CD6: variants seen among roughly 807,000 people sequenced by gnomAD.
CD6 encodes T-cell differentiation antigen CD6.
In CD6, 53 loss-of-function variants were observed where a neutral mutation model predicts 75.3. The observed-to-expected ratio is 0.70, with a 90% CI of 0.56 to 0.88. CD6 has a LOEUF of 0.88. Among genes scored for constraint, CD6 ranks in the 40% least tolerant of loss-of-function variants. The pLI is 0.00. For missense variants in CD6, 770 were observed against 897.1 expected, an observed-to-expected ratio of 0.86 and a Z score of 1.81; for synonymous variants, 359 against 381.5, an observed-to-expected ratio of 0.94 and a Z score of 0.69.
At chr11:60,976,159 C>T (rs891677312) in intron 1 of CD6, among the ~76,000 whole-genome samples, 1 of 152,152 alleles carries the variant, frequency 6.6e-6, no homozygotes, top group Non-Finnish European at 1.5e-5. Flanking sequence ...ATTTTCATTC[C>T]TCACTCCCCT....
chr11:61,017,669 C>A, intron 10 of CD6, 90 bp from the exon 11 acceptor site: 1 of 1,588,330 alleles, frequency 6.3e-7, no homozygotes, highest in Non-Finnish European at 8.6e-7. Context: ...TTTCACAAAT[C>A]CTATAGGCAG....
At chr11:61,005,871 C>T (rs1317349357) in intron 1 of CD6, among the ~76,000 whole-genome samples, 5 of 150,484 alleles carry the variant, frequency 3.3e-5, no homozygotes, top group Non-Finnish European at 7.4e-5. Flanking sequence ...GTGGAGGTTG[C>T]GGTGAGCCGA....
At chr11:60,977,357 G>T in intron 1 of CD6, among the ~76,000 whole-genome samples, 1 of 152,060 alleles carries the variant, frequency 6.6e-6, no homozygotes, top group East Asian at 1.9e-4. Context: ...CCACAGATGG[G>T]ACACCATGAG....
chr11:61,013,933 G>A lies in CD6; in HGVS notation c.1306G>A (p.Val436Met). The A allele has an allele frequency of 6.2e-7, 1 of 1,612,286 alleles. No individual in the cohort carries two copies. Among genetic ancestry groups the A allele is most frequent in the Non-Finnish European group, 8.5e-7 (1 of 1,179,320 alleles). ...IKGKYALPVM[V>M]NHQHLPTTIP... ...CCCTCCCTCAGCCCTCCCCGTAATG[G>A]TGAACCACCAGCACCTACCCACCAC... The change falls in exon 8 of 13, where the codon GTG becomes ATG. Residue 436 changes from valine (V) to methionine (M), a missense_variant. Physicochemically the swap from Val to Met is conservative, Grantham distance 21. Coordinates refer to ENST00000313421, the MANE Select transcript of CD6 (RefSeq NM_006725.5).
intron 4 of CD6, 25 bp downstream of exon 4, chr11:61,008,870 C>CCGGTCA (rs749684552): frequency 1.9e-5 from 28 of 1,500,406 alleles, no homozygotes; most frequent in Non-Finnish European, 2.5e-5. Flanking sequence ...TCACTGAAGC[C>CCGGTCA]CGGTCACTAC....
intron 1 of CD6, among the ~76,000 whole-genome samples, chr11:60,985,479 C>A (rs1857772729): frequency 6.6e-6 from 1 of 152,016 alleles, no homozygotes; most frequent in Non-Finnish European, 1.5e-5. Context: ...GCCACCGCAC[C>A]CGGCCACCCT....
Position 61,009,581 on chromosome 11 carries a change from C to T in CD6, c.791C>T (p.Ser264Phe), listed in dbSNP as rs1287604780. The change falls in exon 5 of 13, where the codon TCC (serine) becomes TTC (phenylalanine). Residue 264 changes from serine to phenylalanine, a missense_variant. By Grantham distance (155) the Ser-to-Phe change is radical (BLOSUM62 -2). Coordinates refer to ENST00000313421, the MANE Select transcript of CD6 (RefSeq NM_006725.5). ...DAGAVCSEHQ[S>F]WRLTGGADRC... ...TGCCCCTTCCCTGCAGAGCACCAGT[C>T]CTGGCGCCTGACAGGGGGCGCTGAC... 1 of 1,604,590 alleles carries T rather than the reference C, an allele frequency of 6.2e-7. No individual in the cohort carries two copies. The highest frequency in any genetic ancestry group is 8.5e-7 in the Non-Finnish European group (1 of 1,175,728).
chr11:60,989,311 G>A (rs909946065), intron 1 of CD6: 1 of 152,228 alleles, frequency 6.6e-6, no homozygotes, highest in Non-Finnish European at 1.5e-5. Flanking sequence ...TCAGCACAGA[G>A]GAAGCACTCG....
chr11:61,003,131 A>G (rs1019437562), intron 1 of CD6, among the ~76,000 whole-genome samples: 3 of 151,822 alleles, frequency 2.0e-5, no homozygotes, highest in Non-Finnish European at 4.4e-5. Context: ...CACCCGACTA[A>G]TTTTTGTATT....
chr11:61,006,434 A>G, intron 1 of CD6, 140 bp from the exon 2 acceptor site: 1 of 649,198 alleles, frequency 1.5e-6, no homozygotes. Flanking sequence ...CAATGCACCC[A>G]AAGTTGAGGA....
chr11:61,017,765 A>C lies in CD6; in HGVS notation c.1589A>C (p.Glu530Ala). The C allele has an allele frequency of 1.2e-6, 2 of 1,613,958 alleles. No homozygotes were observed. The highest frequency in any genetic ancestry group is 1.7e-6 in the Non-Finnish European group (2 of 1,180,000). Residue 530 changes from glutamate (E) to alanine (A), a missense_variant, in exon 11 of 13, where the codon GAA (glutamate) becomes GCA (alanine). By Grantham distance (107) the Glu-to-Ala change is moderately radical (BLOSUM62 -1). Transcript: ENST00000313421. ...TCTCCCTTTCCTGCCTTAGGACTTGAAGAGTTGCATGCCTCCCACATCCCA... is the reference window on the plus strand; with the variant it reads ...TCTCCCTTTCCTGCCTTAGGACTTGCAGAGTTGCATGCCTCCCACATCCCA... ...FQMPPLEEGL[E>A]ELHASHIPTA...
At position 60,987,975 on chromosome 11, in the gene CD6, G is replaced by A. The variant is rs985394675; in HGVS notation, c.49+16061G>A. ...AATGAGTGGCATCTCCCTGACCAAG[G>A]GTTAAGATAGATGGGAACTCAGAAG... On this transcript the variant is annotated intron_variant, in intron 1 of 12. Transcript: ENST00000313421. The A allele has an allele frequency of 6.6e-5, 10 of 152,382 alleles. No homozygotes were observed. The East Asian group carries it at 1.4e-3, about 21-fold the overall frequency. 9.4% of individuals were successfully genotyped at this position (152,382 alleles called of 1,614,324 possible). A position where few individuals can be genotyped will look rare whatever the true frequency, so the allele number is the denominator to read the frequency against.
intron 6 of CD6, 126 bp from the exon 7 acceptor site, chr11:61,013,297 A>G: frequency 8.8e-7 from 1 of 1,132,998 alleles, no homozygotes; most frequent in Non-Finnish European, 1.3e-6. Flanking sequence ...AGAAAATTGG[A>G]AAAAGGAAGC....
Position 61,008,818 on chromosome 11 carries a change from A to G in CD6, c.754A>G (p.Lys252Glu). The G allele has an allele frequency of 6.4e-7, 1 of 1,562,512 alleles. No individual in the cohort carries two copies. The highest frequency in any genetic ancestry group is 2.3e-5 in the East Asian group (1 of 44,188). ...GCCAGGACAGCACTACTGCGGCCAC[A>G]AAGAGGACGCGGGCGCGGTGTGCTC... ...GLPGQHYCGH[K>E]EDAGAVCSEH... is the part of the protein sequence containing the mutation. Residue 252 changes from lysine to glutamate, a missense_variant, in exon 4 of 13, where the codon AAA becomes GAA. Transcript: ENST00000313421.
chr11:61,011,288 C>G (rs1319197323), intron 6 of CD6, among the ~76,000 whole-genome samples, 153 bp downstream of exon 6: 3 of 151,950 alleles, frequency 2.0e-5, no homozygotes, highest in African/African-American at 7.3e-5. Context: ...CCCCGGGGCT[C>G]TCTGGGTGGC....
intron 1 of CD6, among the ~76,000 whole-genome samples, chr11:60,988,522 T>A (rs140792645): frequency 6.6e-6 from 1 of 152,108 alleles, no homozygotes; most frequent in Non-Finnish European, 1.5e-5. Flanking sequence ...TGTTAGGACA[T>A]GGATGGGCAC....
intron 6 of CD6, among the ~76,000 whole-genome samples, chr11:61,011,975 T>A (rs141197488): frequency 6.6e-6 from 1 of 152,328 alleles, no homozygotes; most frequent in East Asian, 1.9e-4. Flanking sequence ...GTAAGAACTG[T>A]CCGAAAGTCT....
In CD6 at chr11:61,000,574, C is replaced by T. The variant is rs370346773; in HGVS notation, c.50-6000C>T. 6.6e-5 allele frequency among the ~76,000 whole-genome samples: 10 copies of T among 152,284 alleles called. No individual in the cohort carries two copies. In the South Asian group the frequency reaches 8.3e-4, roughly 13 times the overall value. Reference sequence around the variant, plus strand: ...CACTGGTCACTGGGCACGGCCAGGGCGGCATTCTGGGGAGTGCCTTGTTTC... The same window carrying T: ...CACTGGTCACTGGGCACGGCCAGGGTGGCATTCTGGGGAGTGCCTTGTTTC... On this transcript the variant is annotated intron_variant, in intron 1 of 12. Coordinates refer to ENST00000313421, the MANE Select transcript of CD6 (RefSeq NM_006725.5).
chr11:61,009,759 C>T lies in CD6; in HGVS notation c.969C>T (p.Ser323=), dbSNP rs150066453. The T allele has an allele frequency of 2.8e-5, 45 of 1,613,798 alleles. No homozygotes were observed. The African/African-American group carries it at 4.4e-4, about 16-fold the overall frequency. ...ERPKGLPHSL[S]GRMYYSCNGE... ...CCAAGGGGCTGCCCCACTCCTTGTCCGGCAGGATGTACTACTCATGCAATG... is the reference window on the plus strand; with the variant it reads ...CCAAGGGGCTGCCCCACTCCTTGTCTGGCAGGATGTACTACTCATGCAATG... Residue 323 remains serine, a synonymous_variant, in exon 5 of 13, where the codon TCC becomes TCT. Transcript: ENST00000313421.
Sources: allele counts gnomAD v4.1 joint callset (sites outside exome capture counted in the v4.1 genomes callset), GRCh38; gene constraint gnomAD v4.1.1; transcripts MANE v1.5; gene names NCBI Gene and HGNC (gene_info 2026-07-23, HGNC 2026-07-21).